RSF1: variants seen among roughly 807,000 people sequenced by gnomAD.
RSF1 encodes HBV pX-associated protein 8.
In RSF1, 13 loss-of-function variants were observed where a neutral mutation model predicts 145.2. The ratio of observed to expected loss-of-function variants is 0.09; its 90% CI spans 0.06 to 0.14. The LOEUF (loss-of-function observed/expected upper bound fraction) is 0.14, where lower values mean the gene tolerates loss of function less well. Among genes scored for constraint, RSF1 ranks in the 10% least tolerant of loss-of-function variants. The pLI is 1.00. For synonymous variants in RSF1, 577 were observed against 592.6 expected, an observed-to-expected ratio of 0.97 and a Z score of 0.38; for missense variants, 1,517 against 1,718.2, an observed-to-expected ratio of 0.88 and a Z score of 2.07.
chr11:77,698,260 T>C (rs1344464395), intron 7 of RSF1, among the ~76,000 whole-genome samples: 1 of 152,222 alleles, frequency 6.6e-6, no homozygotes, highest in Non-Finnish European at 1.5e-5. Flanking sequence ...TGTATTATTA[T>C]GTAGAGGAAA....
In RSF1 at chr11:77,667,316, C is replaced by T; in HGVS notation, c.3927G>A (p.Glu1309=). The change falls in exon 16 of 16, where the codon GAG becomes GAA. Residue 1309 remains glutamate (E), a synonymous_variant. Transcript: ENST00000308488. ...RLHRIETDEE[E]SCDNAHGDAN... The stretch of plus-strand genomic sequence containing the variant: ...CATCTCCATGAGCATTGTCACAACT[C>T]TCCTCCTCATCCGTCTCAATCCGGT... 6.2e-7 allele frequency: 1 copy of T among 1,613,574 alleles called. No individual in the cohort carries two copies. Among genetic ancestry groups the T allele is most frequent in the Non-Finnish European group, 8.5e-7 (1 of 1,179,486 alleles).
intron 4 of RSF1, chr11:77,735,073 G>C: frequency 9.1e-7 from 1 of 1,099,368 alleles, no homozygotes; most frequent in Non-Finnish European, 1.4e-6. Flanking sequence ...GCTGCGTGGC[G>C]CTGGGGCGGC....
chr11:77,764,713 C>A, intron 1 of RSF1, 24 bp from the exon 2 acceptor site: 6 of 1,298,402 alleles, frequency 4.6e-6, no homozygotes, highest in Non-Finnish European at 6.6e-6. Flanking sequence ...AAAAAAATAT[C>A]ATTAGCCAAC....
chr11:77,703,787 A>G (rs1258129836), intron 5 of RSF1, among the ~76,000 whole-genome samples: 1 of 148,302 alleles, frequency 6.7e-6, no homozygotes, highest in Non-Finnish European at 1.5e-5. Flanking sequence ...GTAAAAAAAA[A>G]TTTCAAAAAT....
chr11:77,760,596 A>C (rs1157403700), intron 2 of RSF1, among the ~76,000 whole-genome samples: 1 of 152,234 alleles, frequency 6.6e-6, no homozygotes, highest in Non-Finnish European at 1.5e-5. Flanking sequence ...CAAAATACTA[A>C]CAATGCATAT....
At chr11:77,761,299 T>C (rs1222753461) in intron 2 of RSF1, among the ~76,000 whole-genome samples, 1 of 152,172 alleles carries the variant, frequency 6.6e-6, no homozygotes, top group Non-Finnish European at 1.5e-5. Context: ...CCCAAAATAC[T>C]TTCTGCTTAT....
At chr11:77,713,699 T>C (rs1472426146) in intron 5 of RSF1, among the ~76,000 whole-genome samples, 1 of 152,174 alleles carries the variant, frequency 6.6e-6, no homozygotes, top group Non-Finnish European at 1.5e-5. Context: ...GTTTCTTTTG[T>C]TTTTTACAAA....
intron 1 of RSF1, among the ~76,000 whole-genome samples, chr11:77,814,420 T>C (rs1948762335): frequency 6.6e-6 from 1 of 152,072 alleles, no homozygotes. Context: ...GGAGGATTTC[T>C]TGAGCCCAGG....
intron 11 of RSF1, among the ~76,000 whole-genome samples, chr11:77,679,724 T>C (rs1457333678): frequency 2.6e-5 from 4 of 152,066 alleles, no homozygotes; most frequent in African/African-American, 9.6e-5. Context: ...GCTATATTAT[T>C]ACTGCTATTG....
chr11:77,707,488 A>G (rs1391996826), intron 5 of RSF1, among the ~76,000 whole-genome samples: 1 of 152,254 alleles, frequency 6.6e-6, no homozygotes, highest in African/African-American at 2.4e-5. Context: ...TTAAAAGACC[A>G]TTTAAAATAT....
At chr11:77,778,285 G>T (rs1948368840) in intron 1 of RSF1, among the ~76,000 whole-genome samples, 1 of 137,060 alleles carries the variant, frequency 7.3e-6, no homozygotes, top group Non-Finnish European at 1.6e-5. Context: ...GGAGGGGAGG[G>T]GAAAAAATAC....
the RSF1 span, among the ~76,000 whole-genome samples, chr11:77,867,283 T>A: frequency 6.6e-6 from 1 of 150,556 alleles, no homozygotes; most frequent in South Asian, 2.1e-4. Context: ...ATCTCTACCA[T>A]TAGAAGGTAC....
At chr11:77,787,818 G>GT (rs1185911669) in intron 1 of RSF1, among the ~76,000 whole-genome samples, 1 of 131,724 alleles carries the variant, frequency 7.6e-6, no homozygotes, top group Non-Finnish European at 1.5e-5. Flanking sequence ...CATTGCTAAT[G>GT]TACCTTCAGA....
intron 1 of RSF1, among the ~76,000 whole-genome samples, chr11:77,769,193 G>A (rs1040939498): frequency 2.0e-5 from 3 of 152,068 alleles, no homozygotes; most frequent in African/African-American, 7.2e-5. Context: ...AAGTAGCTGG[G>A]ACTACAGGCA....
intron 1 of RSF1, among the ~76,000 whole-genome samples, chr11:77,784,340 A>G (rs954270389): frequency 6.6e-6 from 1 of 151,820 alleles, no homozygotes; most frequent in Non-Finnish European, 1.5e-5. Flanking sequence ...TAGAAGTTCT[A>G]TATGTTTATT....
chr11:77,828,943 T>C, the RSF1 span, among the ~76,000 whole-genome samples: 1 of 152,162 alleles, frequency 6.6e-6, no homozygotes, highest in Admixed American at 6.5e-5. Flanking sequence ...ATGAACAAAG[T>C]TGAAGGACTC....
intron 1 of RSF1, among the ~76,000 whole-genome samples, chr11:77,778,364 T>C (rs1444680205): frequency 1.3e-5 from 2 of 151,962 alleles, no homozygotes; most frequent in African/African-American, 4.8e-5. Context: ...TGAAAACTCA[T>C]AAAACATGAA....
intron 12 of RSF1, 110 bp downstream of exon 12, chr11:77,677,976 G>A (rs955241460): frequency 1.3e-5 from 10 of 750,936 alleles, no homozygotes; most frequent in Non-Finnish European, 2.1e-5. Context: ...TACTAATCAT[G>A]ATACATAACG....
At chr11:77,668,763 C>A (rs1959440988) in intron 15 of RSF1, among the ~76,000 whole-genome samples, 2 of 152,066 alleles carry the variant, frequency 1.3e-5, no homozygotes, top group South Asian at 4.2e-4. Context: ...GCGAATATGA[C>A]ACCATTTTAT....
Sources: allele counts gnomAD v4.1 joint callset (sites outside exome capture counted in the v4.1 genomes callset), GRCh38; gene constraint gnomAD v4.1.1; transcripts MANE v1.5; gene names NCBI Gene and HGNC (gene_info 2026-07-23, HGNC 2026-07-21).